The following LIMCH1 variants were observed in gnomAD, a reference collection of about 807,000 sequenced individuals.
LIMCH1 encodes LIM and calponin homology domains-containing protein 1.
Under a neutral mutation model 176.5 loss-of-function variants are expected in LIMCH1, and 113 were observed. The ratio of observed to expected loss-of-function variants is 0.64; its 90% confidence interval spans 0.55 to 0.75. LIMCH1 has a LOEUF of 0.75. LIMCH1 is among the 30% of genes least tolerant of loss of function. LIMCH1 has a pLI of 0.00. For synonymous variants in LIMCH1, 619 were observed against 645.9 expected (o/e 0.96, Z 0.63); for missense variants, 1,674 against 1,814.9 (o/e 0.92, Z 1.41).
At chr4:41,606,936 TTATAGG>T (rs2090804118) in intron 4 of LIMCH1, among the ~76,000 whole-genome samples, 1 of 152,140 alleles carries the variant, frequency 6.6e-6, no homozygotes, top group African/African-American at 2.4e-5. Context: ...GTAGCTGGGA[TTATAGG>T]CAGCCACCAC....
At chr4:41,464,428 A>G (rs2065830019) in intron 1 of LIMCH1, among the ~76,000 whole-genome samples, 2 of 139,176 alleles carry the variant, frequency 1.4e-5, no homozygotes. Context: ...GAGTGCATTG[A>G]TGTGATCTCT....
Position 41,626,715 on chromosome 4 carries a change from C to T in LIMCH1, c.733C>T (p.Gln245Ter). 6.5e-7 allele frequency: 1 copy of T among 1,535,424 alleles called. No individual in the cohort carries two copies. The highest frequency in any genetic ancestry group is 2.4e-5 in the East Asian group (1 of 40,898). ...TTAATTTTCCCCTATCAGTCAAAAACAATTAAGTGAAGAGAAAGAAGCTAT... is the reference window on the plus strand; with the variant it reads ...TTAATTTTCCCCTATCAGTCAAAAATAATTAAGTGAAGAGAAAGAAGCTAT... ...PAAQRFASQK[Q>*]LSEEKEAIRD... Residue 245 changes from glutamine (Q) to a stop codon, truncating the protein, a stop_gained, in exon 8 of 32, where the codon CAA becomes TAA. Coordinates refer to ENST00000503057, the MANE Select transcript of LIMCH1 (RefSeq NM_001330672.2). LOFTEE classifies it high-confidence loss of function.
chr4:41,515,459 T>C (rs1224314851), intron 2 of LIMCH1, among the ~76,000 whole-genome samples: 1 of 152,210 alleles, frequency 6.6e-6, no homozygotes, highest in Non-Finnish European at 1.5e-5. Flanking sequence ...AGTGAGCCAG[T>C]GATCAACACA....
chr4:41,651,241 G>A (rs1423014473), intron 18 of LIMCH1, among the ~76,000 whole-genome samples: 1 of 152,132 alleles, frequency 6.6e-6, no homozygotes, highest in Non-Finnish European at 1.5e-5. Context: ...CTGACCTCAA[G>A]TGATCCACCC....
At chr4:41,443,752 G>T (rs1213771200) in intron 1 of LIMCH1, among the ~76,000 whole-genome samples, 1 of 152,226 alleles carries the variant, frequency 6.6e-6, no homozygotes, top group African/African-American at 2.4e-5. Context: ...CAAGGGAGCA[G>T]CTCGGATGAG....
At chr4:41,568,818 T>C (rs1377362307) in intron 1 of LIMCH1, among the ~76,000 whole-genome samples, 1 of 152,224 alleles carries the variant, frequency 6.6e-6, no homozygotes, top group East Asian at 1.9e-4. Flanking sequence ...CTCTCAAATT[T>C]CTAGACATGT....
intron 2 of LIMCH1, among the ~76,000 whole-genome samples, chr4:41,500,206 A>T (rs374287703): frequency 1.1e-4 from 17 of 152,358 alleles, no homozygotes; most frequent in Admixed American, 1.1e-3. Context: ...AGTTGTGGAA[A>T]TAACTTGATA....
chr4:41,635,897 AC>A (rs2093563681), intron 13 of LIMCH1, among the ~76,000 whole-genome samples: 1 of 152,024 alleles, frequency 6.6e-6, no homozygotes, highest in African/African-American at 2.4e-5. Context: ...CTTTCTACCT[AC>A]CCCTACCCTC....
intron 9 of LIMCH1, among the ~76,000 whole-genome samples, chr4:41,630,634 A>T (rs1424991310): frequency 6.6e-6 from 1 of 152,136 alleles, no homozygotes; most frequent in Admixed American, 6.5e-5. Flanking sequence ...TCTCCATTTG[A>T]GTGTTAATGA....
chr4:41,587,483 T>C, intron 1 of LIMCH1, among the ~76,000 whole-genome samples: 1 of 152,142 alleles, frequency 6.6e-6, no homozygotes, highest in East Asian at 1.9e-4. Context: ...AACTAGAGGT[T>C]CGTGTGGAAG....
intron 1 of LIMCH1, among the ~76,000 whole-genome samples, chr4:41,436,002 G>A (rs966655804): frequency 2.6e-5 from 4 of 152,116 alleles, no homozygotes; most frequent in African/African-American, 9.7e-5. Context: ...AATAACCAGT[G>A]TACCATATTT....
At chr4:41,691,474 C>T (rs1033606940) in intron 30 of LIMCH1, among the ~76,000 whole-genome samples, 6 of 151,594 alleles carry the variant, frequency 4.0e-5, no homozygotes, top group African/African-American at 7.3e-5. Context: ...AGGCTGGGCA[C>T]GGTGGCTCAT....
intron 1 of LIMCH1, among the ~76,000 whole-genome samples, chr4:41,422,306 G>C (rs59364506): frequency 0.031 from 4,643 of 151,912 alleles, 107 homozygotes; most frequent in East Asian, 0.094. Context: ...TTGTGCCTCA[G>C]CCTCCCAAGT....
At chr4:41,450,821 A>T (rs2154146545) in intron 1 of LIMCH1, among the ~76,000 whole-genome samples, 1 of 151,434 alleles carries the variant, frequency 6.6e-6, no homozygotes, top group South Asian at 2.1e-4. Flanking sequence ...AAAAAAAAAA[A>T]AAGTTGTAGG....
intron 13 of LIMCH1, among the ~76,000 whole-genome samples, chr4:41,637,140 T>C (rs920845735): frequency 6.6e-6 from 1 of 152,052 alleles, no homozygotes; most frequent in Non-Finnish European, 1.5e-5. Flanking sequence ...TGGGAAACAC[T>C]TACCTAGTCT....
intron 1 of LIMCH1, among the ~76,000 whole-genome samples, chr4:41,374,718 A>G (rs994827398): frequency 1.3e-5 from 2 of 152,138 alleles, no homozygotes; most frequent in Non-Finnish European, 2.9e-5. Context: ...GCTCAATGAT[A>G]TCAGTAAGGA....
intron 1 of LIMCH1, among the ~76,000 whole-genome samples, chr4:41,468,428 T>C (rs1049990807): frequency 7.0e-6 from 1 of 142,130 alleles, no homozygotes; most frequent in Non-Finnish European, 1.5e-5. Context: ...TTTCCTTCTT[T>C]CCTTCCTTCT....
chr4:41,572,298 A>G (rs2083685133), intron 1 of LIMCH1, among the ~76,000 whole-genome samples: 1 of 152,198 alleles, frequency 6.6e-6, no homozygotes, highest in South Asian at 2.1e-4. Flanking sequence ...GGGTTTAGAA[A>G]CCACAGAGAA....
chr4:41,364,132 G>T (rs892918710), intron 1 of LIMCH1, among the ~76,000 whole-genome samples: 4 of 152,100 alleles, frequency 2.6e-5, no homozygotes, highest in African/African-American at 9.7e-5. Flanking sequence ...CAACAAAAAT[G>T]ACTAAGAGTT....
Sources: allele counts gnomAD v4.1 joint callset (sites outside exome capture counted in the v4.1 genomes callset), GRCh38; gene constraint gnomAD v4.1.1; transcripts MANE v1.5; gene names NCBI Gene and HGNC (gene_info 2026-07-23, HGNC 2026-07-21).